Variants in PAPLN observed in about 807,000 individuals in gnomAD.
PAPLN encodes papilin, proteoglycan like sulfated glycoprotein.
PAPLN carries 146 observed loss-of-function variants against 159.0 expected under a neutral mutation model. The ratio of observed to expected loss-of-function variants is 0.92; its 90% CI spans 0.80 to 1.05. The LOEUF (loss-of-function observed/expected upper bound fraction) is 1.05, where lower values mean the gene tolerates loss of function less well. PAPLN is among the 50% of genes least tolerant of loss of function. The pLI, the probability that PAPLN is intolerant of heterozygous loss-of-function variation, is 0.00. For missense variants in PAPLN, 1,720 were observed against 1,743.9 expected (o/e 0.99, Z 0.24); for synonymous variants, 734 against 702.9 (o/e 1.04, Z -0.70).
At chr14:73,251,458 C>T (rs1275151047) in intron 7 of PAPLN, 28 bp from the exon 8 acceptor site, 7 of 1,595,888 alleles carry the variant, frequency 4.4e-6, no homozygotes, top group Non-Finnish European at 4.3e-6. Context: ...TAGCCCAGCA[C>T]ACCCAGCACC....
chr14:73,261,140 T>C lies in PAPLN; in HGVS notation c.2107-16T>C. The C allele has an allele frequency of 6.2e-7, 1 of 1,613,980 alleles. No homozygotes were observed. Among genetic ancestry groups the C allele is most frequent in the East Asian group, 2.2e-5 (1 of 44,882 alleles). On this transcript the variant is annotated splice_polypyrimidine_tract_variant and intron_variant, in intron 17 of 26. Coordinates refer to ENST00000644200, the MANE Select transcript of PAPLN (RefSeq NM_001365906.3). Reference sequence around the variant, plus strand: ...AGATCCACTGCCCACTTCCCAATCATGGGTTTCCTCCCCAGGTCCACAACA... The same window carrying C: ...AGATCCACTGCCCACTTCCCAATCACGGGTTTCCTCCCCAGGTCCACAACA...
chr14:73,260,562 C>A, intron 16 of PAPLN, 147 bp from the exon 17 acceptor site: 1 of 1,057,206 alleles, frequency 9.5e-7, no homozygotes, highest in Non-Finnish European at 1.2e-6. Flanking sequence ...CACAAAATGG[C>A]CTGCCCTGCA....
chr14:73,236,624 C>T (rs1883044600), upstream of PAPLN, among the ~76,000 whole-genome samples: 1 of 152,066 alleles, frequency 6.6e-6, no homozygotes, highest in East Asian at 1.9e-4. Context: ...GGAGACCAGT[C>T]TGGCCAACAA....
rs1886731278 is a variant in PAPLN at position 73,262,767 on chromosome 14, C to T, written c.2663C>T (p.Ala888Val). 4.6e-6 allele frequency: 7 copies of T among 1,509,138 alleles called. No homozygotes were observed. Among genetic ancestry groups the T allele is most frequent in the Non-Finnish European group, 6.2e-6 (7 of 1,134,282 alleles). The allele number at this position is 1,509,138 out of a possible 1,614,324, so 93.5% of individuals were successfully genotyped here. A position where few individuals can be genotyped will look rare whatever the true frequency, so the allele number is the denominator to read the frequency against. The change falls in exon 19 of 27, where the codon GCC becomes GTC. Residue 888 changes from alanine (A) to valine (V), a missense_variant. Transcript: ENST00000644200. ...WPWGQELGSR[A>V]PGLGGDAGSP... ...TGGGGGCAGGAGCTTGGGTCCAGGG[C>T]CCCTGGACTGGGTGGAGATGCCGGA...
rs1372675085 is a variant in PAPLN at position 73,268,524 on chromosome 14, T to C, written c.3501-33T>C. The C allele has an allele frequency of 2.5e-6, 4 of 1,595,134 alleles. No homozygotes were observed. In the East Asian group the frequency reaches 9.0e-5, roughly 36 times the overall value. ...CTGTCTCCCAGACCTCCAGAGGCCC[T>C]TGATGGCTCTCCCAGTGTCCTCTCT... On this transcript the variant is annotated intron_variant, in intron 25 of 26. Coordinates refer to ENST00000644200, the MANE Select transcript of PAPLN (RefSeq NM_001365906.3).
At position 73,265,372 on chromosome 14, in the gene PAPLN, T is replaced by C. The variant is rs1163309408; in HGVS notation, c.3128T>C (p.Leu1043Pro). Residue 1043 changes from leucine to proline, a missense_variant and splice_region_variant, in exon 23 of 27, where the codon CTG becomes CCG. Leu to Pro is a moderately conservative substitution (Grantham distance 98). Coordinates refer to ENST00000644200, the MANE Select transcript of PAPLN (RefSeq NM_001365906.3). The surrounding 1 kb of genome is among the most constrained non-coding windows in gnomAD (Gnocchi z 4.1). ...GCTGTGGGCTGCTTGTTTGGCAGGC[T>C]GCGTTTGGACCAGAACCAGCCCCGG... ...PSSHPQPANR[L>P]RLDQNQPRVV... is the part of the protein sequence containing the mutation. 1.2e-6 allele frequency: 2 copies of C among 1,608,916 alleles called. No homozygotes were observed. Among genetic ancestry groups the C allele is most frequent in the South Asian group, 2.2e-5 (2 of 91,034 alleles).
Position 73,266,788 on chromosome 14 carries a change from T to C in PAPLN, c.3457T>C (p.Leu1153=). Residue 1153 remains leucine, a synonymous_variant, in exon 25 of 27, where the codon TTG becomes CTG. Transcript: ENST00000644200. ...TVPEGDTARL[L]CVVAGESVNI... is the part of the protein sequence containing the mutation. ...GCCAGAGGGTGATACGGCCAGGCTATTGTGTGTGGTAGCAGGAGAAAGTGT... is the reference window on the plus strand; with the variant it reads ...GCCAGAGGGTGATACGGCCAGGCTACTGTGTGTGGTAGCAGGAGAAAGTGT... 6.2e-7 allele frequency: 1 copy of C among 1,613,716 alleles called. No homozygotes were observed.
At chr14:73,261,852 C>T (rs887509931) in intron 18 of PAPLN, among the ~76,000 whole-genome samples, 14 of 152,060 alleles carry the variant, frequency 9.2e-5, no homozygotes, top group South Asian at 2.1e-4. Flanking sequence ...GCCATGCTGG[C>T]GAGGGCTGCT....
intron 11 of PAPLN, 138 bp downstream of exon 11, chr14:73,252,913 G>A (rs1333894165): frequency 2.8e-6 from 4 of 1,410,418 alleles, no homozygotes; most frequent in Non-Finnish European, 3.8e-6. Context: ...TGGGGTGTGG[G>A]AGAGGTGGCA....
At chr14:73,263,140 C>T in intron 19 of PAPLN, 1 of 359,688 alleles carries the variant, frequency 2.8e-6, no homozygotes, top group Non-Finnish European at 5.0e-6. Flanking sequence ...TGACCTTTGG[C>T]AAGTCACCCA....
chr14:73,266,748 C>T lies in PAPLN; in HGVS notation c.3417C>T (p.Pro1139=), dbSNP rs147741444. 3.1e-6 allele frequency: 5 copies of T among 1,613,764 alleles called. No individual in the cohort carries two copies. The African/African-American group carries it at 5.3e-5, about 17-fold the overall frequency. ...VLGELTISGL[P]PTVTVPEGDT... ...GGGAGCTGACAATCTCAGGACTGCCCCCTACTGTGACAGTGCCAGAGGGTG... is the reference window on the plus strand; with the variant it reads ...GGGAGCTGACAATCTCAGGACTGCCTCCTACTGTGACAGTGCCAGAGGGTG... The change falls in exon 25 of 27, where the codon CCC becomes CCT. Residue 1139 remains proline (P), a synonymous_variant. Transcript: ENST00000644200.
intron 18 of PAPLN, 45 bp from the exon 19 acceptor site, chr14:73,262,305 A>G: frequency 6.5e-7 from 1 of 1,540,928 alleles, no homozygotes. Context: ...GTGCAGCTTT[A>G]GTACTGGGCA....
In PAPLN at chr14:73,262,437, A is replaced by G. The variant is rs1886687356; in HGVS notation, c.2333A>G (p.Gln778Arg). 1 of 1,613,884 alleles carries G rather than the reference A, an allele frequency of 6.2e-7. No individual in the cohort carries two copies. The highest frequency in any genetic ancestry group is 8.5e-7 in the Non-Finnish European group (1 of 1,179,854). The change falls in exon 19 of 27, where the codon CAA becomes CGA. Residue 778 changes from glutamine to arginine, a missense_variant. Physicochemically the swap from Gln to Arg is conservative, Grantham distance 43. Coordinates refer to ENST00000644200, the MANE Select transcript of PAPLN (RefSeq NM_001365906.3). ...ARWYFVASVG[Q>R]CNRFWYGGCH... ...TGGTACTTCGTTGCCTCTGTGGGCC[A>G]ATGTAACCGCTTCTGGTATGGCGGC...
Position 73,251,541 on chromosome 14 carries a change from G to A in PAPLN, c.645G>A (p.Glu215=). 1 of 1,612,596 alleles carries A rather than the reference G, an allele frequency of 6.2e-7. No individual in the cohort carries two copies. Among genetic ancestry groups the A allele is most frequent in the Non-Finnish European group, 8.5e-7 (1 of 1,179,878 alleles). ...GTGCCACCAGCATCCTCATCGACGAGGCTGCTGCCAGCAGGAACTTCCTGG... is the reference window on the plus strand; with the variant it reads ...GTGCCACCAGCATCCTCATCGACGAAGCTGCTGCCAGCAGGAACTTCCTGG... The part of the protein sequence containing the change: ...PMGATSILID[E]AAASRNFLAV... The change falls in exon 8 of 27, where the codon GAG becomes GAA. Residue 215 remains glutamate, a synonymous_variant. Transcript: ENST00000644200.
intron 2 of PAPLN, 126 bp downstream of exon 2, chr14:73,239,958 G>T: frequency 7.0e-7 from 1 of 1,424,474 alleles, no homozygotes; most frequent in South Asian, 1.5e-5. Context: ...GGGAGGAGGC[G>T]AGCCCGCACC....
rs377753194 is a variant in PAPLN, at chr14:73,251,771, G to C, written c.778G>C (p.Glu260Gln). The change falls in exon 9 of 27, where the codon GAG becomes CAG. Residue 260 changes from glutamate to glutamine, a missense_variant. Coordinates refer to ENST00000644200, the MANE Select transcript of PAPLN (RefSeq NM_001365906.3). ...CATCCTGCATTACGAGCGGGGTGCT[G>C]AGGGGGACCTGGCCCCTGAGCGACT... ...STILHYERGA[E>Q]GDLAPERLHA... is the part of the protein sequence containing the mutation. 8 of 1,611,182 alleles carry C rather than the reference G, an allele frequency of 5.0e-6. No homozygotes were observed. Among genetic ancestry groups the C allele is most frequent in the Non-Finnish European group, 6.8e-6 (8 of 1,179,322 alleles).
chr14:73,260,642 T>A, intron 16 of PAPLN, 67 bp from the exon 17 acceptor site: 1 of 1,360,456 alleles, frequency 7.4e-7, no homozygotes, highest in Non-Finnish European at 9.5e-7. Flanking sequence ...CCTCAGAGCC[T>A]GGGTCCTGGG....
intron 1 of PAPLN, among the ~76,000 whole-genome samples, chr14:73,239,460 C>T (rs933863893): frequency 3.3e-5 from 5 of 152,222 alleles, no homozygotes; most frequent in Non-Finnish European, 7.3e-5. Context: ...GGATTCTGAA[C>T]TTGTTTTTCA....
intron 22 of PAPLN, 137 bp downstream of exon 22, chr14:73,264,863 G>C: frequency 2.9e-6 from 4 of 1,380,642 alleles, no homozygotes; most frequent in Non-Finnish European, 3.9e-6. Context: ...GCCAGGCCTA[G>C]AAAAACAGGG....
Sources: allele counts gnomAD v4.1 joint callset (sites outside exome capture counted in the v4.1 genomes callset), GRCh38; gene constraint gnomAD v4.1.1; non-coding constraint Gnocchi (gnomAD v3.1); transcripts MANE v1.5; gene names NCBI Gene and HGNC (gene_info 2026-07-23, HGNC 2026-07-21).